PCCA: variants seen among roughly 807,000 people sequenced by gnomAD.
The protein encoded by PCCA is propionyl-CoA carboxylase subunit alpha.
A neutral mutation model predicts 101.3 loss-of-function variants in PCCA; 74 were observed. That is an observed-to-expected ratio of 0.73 (90% CI 0.61 to 0.89). PCCA has a LOEUF of 0.89. Ranked by LOEUF, PCCA falls within the 40% of genes least tolerant of loss-of-function variation. PCCA has a pLI of 0.00. For missense variants in PCCA, 891 were observed against 907.0 expected (o/e 0.98, Z 0.23); for synonymous variants, 294 against 313.6 (o/e 0.94, Z 0.66).
intron 4 of PCCA, among the ~76,000 whole-genome samples, chr13:100,121,469 CTTTT>C (rs58893932): frequency 7.6e-6 from 1 of 132,050 alleles, no homozygotes; most frequent in African/African-American, 2.8e-5. Flanking sequence ...CCTTAGGATT[CTTTT>C]TTTTTTTTTT....
chr13:100,391,171 C>G (rs2076781560), intron 19 of PCCA, among the ~76,000 whole-genome samples: 1 of 152,156 alleles, frequency 6.6e-6, no homozygotes, highest in Non-Finnish European at 1.5e-5. Flanking sequence ...GCGCACGCCA[C>G]CACGCCCAGC....
chr13:100,244,542 T>A (rs957453700), intron 8 of PCCA, among the ~76,000 whole-genome samples: 1 of 152,150 alleles, frequency 6.6e-6, no homozygotes, highest in African/African-American at 2.4e-5. Flanking sequence ...TTTCTATTAC[T>A]CTGTTGGAAA....
At chr13:100,422,432 C>T (rs1040452148) in intron 19 of PCCA, among the ~76,000 whole-genome samples, 2 of 152,178 alleles carry the variant, frequency 1.3e-5, no homozygotes, top group African/African-American at 2.4e-5. Flanking sequence ...GCCACCATGC[C>T]TGGCCATAAT....
chr13:100,210,485 CTT>C (rs2059145293), intron 7 of PCCA, among the ~76,000 whole-genome samples: 2 of 152,138 alleles, frequency 1.3e-5, no homozygotes, highest in Non-Finnish European at 2.9e-5. Flanking sequence ...TTATCTTGAG[CTT>C]CTCTCCATGT....
intron 16 of PCCA, among the ~76,000 whole-genome samples, chr13:100,324,274 T>G (rs2068397570): frequency 6.6e-6 from 1 of 152,180 alleles, no homozygotes; most frequent in African/African-American, 2.4e-5. Flanking sequence ...TCACAAAACC[T>G]TCCTGCATCC....
At chr13:100,456,161 C>A (rs1389030563) in intron 21 of PCCA, among the ~76,000 whole-genome samples, 1 of 152,162 alleles carries the variant, frequency 6.6e-6, no homozygotes, top group Admixed American at 6.5e-5. Context: ...AGTAGAACAT[C>A]TTTTCTTATT....
At chr13:100,168,023 T>C (rs2055233986) in intron 6 of PCCA, among the ~76,000 whole-genome samples, 1 of 152,198 alleles carries the variant, frequency 6.6e-6, no homozygotes, top group Non-Finnish European at 1.5e-5. Context: ...TGGTGTGACC[T>C]CCTTCCTCAC....
At chr13:100,384,992 T>C (rs2076420853) in intron 19 of PCCA, among the ~76,000 whole-genome samples, 2 of 152,126 alleles carry the variant, frequency 1.3e-5, no homozygotes, top group African/African-American at 2.4e-5. Context: ...TTATTTTTCA[T>C]TAATTTGTCT....
At chr13:100,495,386 C>T (rs762293052) in intron 21 of PCCA, among the ~76,000 whole-genome samples, 4 of 152,158 alleles carry the variant, frequency 2.6e-5, no homozygotes, top group African/African-American at 9.7e-5. Flanking sequence ...ACTGGAGAGA[C>T]GCTACTGCTG....
At chr13:100,474,727 G>A (rs568439812) in intron 21 of PCCA, among the ~76,000 whole-genome samples, 28 of 151,632 alleles carry the variant, frequency 1.8e-4, no homozygotes, top group Non-Finnish European at 3.7e-4. Flanking sequence ...AGTCTCAAGC[G>A]ATCCTCCCAC....
At chr13:100,415,420 G>A (rs1195109771) in intron 19 of PCCA, among the ~76,000 whole-genome samples, 2 of 151,896 alleles carry the variant, frequency 1.3e-5, no homozygotes, top group Non-Finnish European at 2.9e-5. Flanking sequence ...ACAAAACAAA[G>A]CAATCAGAAA....
intron 16 of PCCA, among the ~76,000 whole-genome samples, chr13:100,311,761 C>T (rs1255318921): frequency 6.6e-6 from 1 of 152,106 alleles, no homozygotes; most frequent in Non-Finnish European, 1.5e-5. Context: ...CAGTGTAAGA[C>T]TCTGTCTCCA....
chr13:100,203,896 C>T (rs950629774), intron 6 of PCCA, among the ~76,000 whole-genome samples: 3 of 151,988 alleles, frequency 2.0e-5, no homozygotes, highest in Admixed American at 2.0e-4. Flanking sequence ...CTGTAATCTC[C>T]CCAGTATTCT....
chr13:100,148,909 A>T (rs372350919), intron 4 of PCCA, among the ~76,000 whole-genome samples: 2 of 152,162 alleles, frequency 1.3e-5, no homozygotes, highest in East Asian at 3.9e-4. Flanking sequence ...ATAGTAGTCC[A>T]CTAATTCTAC....
intron 21 of PCCA, among the ~76,000 whole-genome samples, chr13:100,470,264 T>G (rs1428581201): frequency 2.6e-5 from 4 of 152,164 alleles, no homozygotes; most frequent in Non-Finnish European, 4.4e-5. Flanking sequence ...TGGGTTTTTT[T>G]GGGGAATTTT....
chr13:100,423,942 G>A (rs1424765133), intron 19 of PCCA, among the ~76,000 whole-genome samples: 4 of 152,152 alleles, frequency 2.6e-5, no homozygotes, highest in Admixed American at 6.5e-5. Context: ...AACATCTCTC[G>A]CTGTTGAGGC....
At chr13:100,350,295 G>A (rs924194630) in intron 18 of PCCA, among the ~76,000 whole-genome samples, 1 of 152,068 alleles carries the variant, frequency 6.6e-6, no homozygotes, top group Non-Finnish European at 1.5e-5. Context: ...TCTCAGATAA[G>A]CCACTTCACT....
chr13:100,326,441 A>AAT (rs1308447288), intron 16 of PCCA, among the ~76,000 whole-genome samples: 2 of 152,242 alleles, frequency 1.3e-5, no homozygotes, highest in African/African-American at 4.8e-5. Context: ...ACTGCTATTG[A>AAT]CTTATTTTAC....
In PCCA at chr13:100,364,607, T is replaced by G. The variant is rs183825867; in HGVS notation, c.1644-3865T>G. On this transcript the variant is annotated intron_variant, in intron 18 of 23. Transcript: ENST00000376285. ...CCAAACAAAACTAGTTTCAAACTTATGTCAAGCCAGAAGGAATCTTTGCAA... is the reference window on the plus strand; with the variant it reads ...CCAAACAAAACTAGTTTCAAACTTAGGTCAAGCCAGAAGGAATCTTTGCAA... Among the ~76,000 whole-genome samples the G allele has an allele frequency of 3.0e-4, 46 of 152,366 alleles. No individual in the cohort carries two copies. The East Asian group carries it at 7.1e-3, about 24-fold the overall frequency.
Sources: allele counts gnomAD v4.1 joint callset (sites outside exome capture counted in the v4.1 genomes callset), GRCh38; gene constraint gnomAD v4.1.1; transcripts MANE v1.5; gene names NCBI Gene and HGNC (gene_info 2026-07-23, HGNC 2026-07-21).